P3H2: variants seen among roughly 807,000 people sequenced by gnomAD.
P3H2 encodes leprecan-like 1.
A neutral mutation model predicts 87.0 loss-of-function variants in P3H2; 80 were observed. The ratio of observed to expected loss-of-function variants is 0.92; its 90% CI spans 0.77 to 1.11. The LOEUF is 1.11. P3H2 is among the 50% of genes least tolerant of loss of function. The pLI is 0.00. For synonymous variants in P3H2, 367 were observed against 359.3 expected (o/e 1.02, Z -0.24); for missense variants, 1,001 against 923.9 (o/e 1.08, Z -1.08).
intron 1 of P3H2, among the ~76,000 whole-genome samples, chr3:190,029,547 T>C (rs1037881089): frequency 6.6e-6 from 1 of 152,112 alleles, no homozygotes; most frequent in Non-Finnish European, 1.5e-5. Flanking sequence ...GCACTTGATA[T>C]AATTTCTGAC....
At chr3:190,068,723 G>A (rs1726596091) in intron 1 of P3H2, among the ~76,000 whole-genome samples, 1 of 151,918 alleles carries the variant, frequency 6.6e-6, no homozygotes, top group South Asian at 2.1e-4. Context: ...TGAGGGAGAA[G>A]GCTTATCACT....
At chr3:189,985,241 A>C (rs941047630) in intron 6 of P3H2, among the ~76,000 whole-genome samples, 1 of 152,006 alleles carries the variant, frequency 6.6e-6, no homozygotes, top group Non-Finnish European at 1.5e-5. Context: ...ATAGTAACCA[A>C]TGGATAAATG....
In P3H2 at chr3:190,033,265, CTTGT is replaced by C. The variant is rs562067474; in HGVS notation, c.481-37827_481-37824del. 3.8e-3 allele frequency among the ~76,000 whole-genome samples: 572 copies of C among 152,296 alleles called. 4 individuals carry two copies. The highest frequency in any genetic ancestry group is 0.013 in the African/African-American group (542 of 41,570). ...GGCCCAGTTCCTAATGGGCCACAGA[CTTGT>C]ACGGGTCCGTGACCTGGGGGTTGTG... On this transcript the variant is annotated intron_variant, in intron 1 of 14. Transcript: ENST00000319332.
intron 1 of P3H2, among the ~76,000 whole-genome samples, chr3:190,022,439 T>C (rs759982591): frequency 5.2e-5 from 7 of 135,572 alleles, no homozygotes; most frequent in Non-Finnish European, 9.9e-5. Context: ...ACTCTCAGGA[T>C]TCCATAAGAC....
intron 1 of P3H2, among the ~76,000 whole-genome samples, chr3:190,091,059 G>A (rs902499969): frequency 5.3e-5 from 8 of 152,132 alleles, no homozygotes; most frequent in Middle Eastern, 3.4e-3. Context: ...AGTCTTATTT[G>A]GAATATAATG....
At chr3:189,994,907 A>G (rs1248599253) in intron 2 of P3H2, among the ~76,000 whole-genome samples, 2 of 152,150 alleles carry the variant, frequency 1.3e-5, no homozygotes, top group Admixed American at 1.3e-4. Context: ...ATAATCCTGA[A>G]CAATTTACAC....
chr3:190,069,844 A>G (rs1269231712), intron 1 of P3H2, among the ~76,000 whole-genome samples: 2 of 152,168 alleles, frequency 1.3e-5, no homozygotes, highest in Non-Finnish European at 2.9e-5. Context: ...AACATTTATG[A>G]GTGACATTTC....
chr3:190,059,032 C>T (rs1423148972), intron 1 of P3H2, among the ~76,000 whole-genome samples: 2 of 152,120 alleles, frequency 1.3e-5, no homozygotes, highest in South Asian at 2.1e-4. Context: ...TCCCCTTTCT[C>T]GATCATTTTC....
intron 13 of P3H2, among the ~76,000 whole-genome samples, chr3:189,964,866 T>C (rs944685855): frequency 4.6e-5 from 7 of 152,342 alleles, no homozygotes; most frequent in African/African-American, 1.7e-4. Flanking sequence ...AAAGAAATAC[T>C]GCTGGGCTCA....
chr3:190,115,921 T>C (rs1195898111), intron 1 of P3H2, among the ~76,000 whole-genome samples: 2 of 152,170 alleles, frequency 1.3e-5, no homozygotes, highest in Non-Finnish European at 2.9e-5. Context: ...TTGAATCACA[T>C]TTTAAAGCCC....
chr3:189,964,369 A>G (rs1044215546), intron 13 of P3H2, among the ~76,000 whole-genome samples: 1 of 152,242 alleles, frequency 6.6e-6, no homozygotes, highest in Non-Finnish European at 1.5e-5. Flanking sequence ...TACATGCTAT[A>G]TATATGATAG....
Position 190,066,164 on chromosome 3 carries a change from C to T in P3H2, c.480+54088G>A, listed in dbSNP as rs532099699. Among the ~76,000 whole-genome samples the T allele has an allele frequency of 1.3e-3, 161 of 128,596 alleles. 3 individuals are homozygous for T. Among genetic ancestry groups the T allele is most frequent in the East Asian group, 5.1e-3 (26 of 5,124 alleles). 84.4% of individuals were successfully genotyped at this position (128,596 alleles called of 152,430 possible). ...GTGTGTATATATATATATATACACACACACACACACACACATATATACACA... is the reference window on the plus strand; with the variant it reads ...GTGTGTATATATATATATATACACATACACACACACACACATATATACACA... On this transcript the variant is annotated intron_variant, in intron 1 of 14. Transcript: ENST00000319332.
At chr3:189,994,401 T>C (rs1050060611) in intron 2 of P3H2, 118 bp from the exon 3 acceptor site, 3 of 766,610 alleles carry the variant, frequency 3.9e-6, no homozygotes, top group East Asian at 5.3e-5. Flanking sequence ...GATGGGGTAC[T>C]GGATGCTTCT....
chr3:190,068,025 TTTTAA>T (rs1456689363), intron 1 of P3H2, among the ~76,000 whole-genome samples: 6 of 152,080 alleles, frequency 3.9e-5, no homozygotes, highest in African/African-American at 9.7e-5. Context: ...ATATACAACT[TTTTAA>T]TTTAATTTTA....
intron 1 of P3H2, among the ~76,000 whole-genome samples, chr3:190,024,341 A>G (rs556150684): frequency 4.7e-4 from 72 of 152,062 alleles, no homozygotes; most frequent in Non-Finnish European, 8.4e-4. Context: ...GTTCGAGACC[A>G]GCGTGTCCAA....
intron 1 of P3H2, among the ~76,000 whole-genome samples, chr3:190,074,772 T>C (rs1336674635): frequency 6.6e-6 from 1 of 152,208 alleles, no homozygotes; most frequent in East Asian, 1.9e-4. Context: ...TTATGTCTTT[T>C]CTCTCACTTC....
At chr3:190,001,171 C>T (rs1724205866) in intron 1 of P3H2, among the ~76,000 whole-genome samples, 1 of 152,100 alleles carries the variant, frequency 6.6e-6, no homozygotes, top group Admixed American at 6.6e-5. Flanking sequence ...TATGTAAGTT[C>T]CCTATTTTCT....
intron 1 of P3H2, among the ~76,000 whole-genome samples, chr3:190,045,175 T>C (rs570224242): frequency 2.0e-5 from 3 of 152,310 alleles, no homozygotes; most frequent in Non-Finnish European, 2.9e-5. Context: ...CTGGATTTTA[T>C]AGGACCTAAT....
intron 1 of P3H2, among the ~76,000 whole-genome samples, chr3:190,094,894 A>C (rs1043511864): frequency 6.6e-6 from 1 of 152,146 alleles, no homozygotes; most frequent in Non-Finnish European, 1.5e-5. Context: ...TAGAACAATT[A>C]TTCAGATTTT....
Sources: gnomAD v4.1 joint callset for allele counts (sites outside exome capture counted in the v4.1 genomes callset) on GRCh38, gnomAD v4.1.1 for gene constraint, MANE v1.5 for transcripts, NCBI Gene and HGNC (gene_info 2026-07-23, HGNC 2026-07-21) for gene names.